The following DNAJA1 variants were observed in gnomAD, a reference collection of about 807,000 sequenced individuals.
DNAJA1 encodes DnaJ heat shock protein family (Hsp40) member A1, also known as dnaJ homolog subfamily A member 1.
DNAJA1 carries 26 observed loss-of-function variants against 47.6 expected under a neutral mutation model. The observed-to-expected ratio is 0.55, with a 90% confidence interval of 0.40 to 0.76. DNAJA1 has a LOEUF of 0.76. Among genes scored for constraint, DNAJA1 ranks in the 30% least tolerant of loss-of-function variants. DNAJA1 has a pLI of 0.00. For missense variants in DNAJA1, 315 were observed against 485.0 expected, an observed-to-expected ratio of 0.65 and a Z score of 3.29; for synonymous variants, 165 against 158.4, an observed-to-expected ratio of 1.04 and a Z score of -0.31.
rs1240475587 is a variant in DNAJA1, at chr9:33,039,447, G to A, written c.*544G>A. On this transcript the variant is annotated 3_prime_UTR_variant, in exon 9 of 9. Transcript: ENST00000330899. The stretch of plus-strand genomic sequence containing the variant: ...ATCCTGTGGTATCAGTGATAAAAAT[G>A]ATACCTTTCTGTAGGAGGGGTTTAT... 11 of 151,664 alleles carry A rather than the reference G, an allele frequency of 7.3e-5. No homozygotes were observed. The highest frequency in any genetic ancestry group is 2.2e-4 in the African/African-American group (9 of 41,382). The allele number at this position is 151,664 out of a possible 1,614,324, so 9.4% of individuals were successfully genotyped here. A position where few individuals can be genotyped will look rare whatever the true frequency, so the allele number is the denominator to read the frequency against.
At chr9:33,028,018 CTT>C (rs1209545662) in intron 3 of DNAJA1, among the ~76,000 whole-genome samples, 8 of 103,418 alleles carry the variant, frequency 7.7e-5, no homozygotes, top group East Asian at 5.7e-4. Context: ...CAGCGAGACT[CTT>C]GTCTCAAAAA....
At chr9:33,038,555 C>T (rs1587701715) in intron 8 of DNAJA1, 130 bp from the exon 9 acceptor site, 2 of 795,906 alleles carry the variant, frequency 2.5e-6, no homozygotes, top group African/African-American at 1.7e-5. Context: ...AGAGCCTGTT[C>T]TAACCTGAGA....
At chr9:33,025,681 T>G (rs915116733) in intron 1 of DNAJA1, among the ~76,000 whole-genome samples, 8 of 146,512 alleles carry the variant, frequency 5.5e-5, no homozygotes, top group Non-Finnish European at 1.2e-4. Context: ...CCCCTCCCCG[T>G]CCGTGCTCGC....
At chr9:33,027,530 G>A (rs1478326132) in intron 3 of DNAJA1, among the ~76,000 whole-genome samples, 3 of 151,970 alleles carry the variant, frequency 2.0e-5, no homozygotes, top group African/African-American at 7.2e-5. Context: ...GCAAATGACT[G>A]CTTCCAAAAA....
intron 1 of DNAJA1, among the ~76,000 whole-genome samples, chr9:33,025,707 G>A (rs1162502766): frequency 6.6e-6 from 1 of 152,154 alleles, no homozygotes. Flanking sequence ...GTGGGGGGGG[G>A]GAGTGGGGTT....
chr9:33,030,050 A>T, intron 4 of DNAJA1, 61 bp downstream of exon 4: 2 of 1,459,336 alleles, frequency 1.4e-6, no homozygotes. Flanking sequence ...TGACACCTGA[A>T]AATGGAGCTA....
rs1839090155 is a variant in DNAJA1 at position 33,039,573 on chromosome 9, T to G, written c.*670T>G. The G allele has an allele frequency of 8.2e-6, 1 of 121,394 alleles. No individual in the cohort carries two copies. Among genetic ancestry groups the G allele is most frequent in the Non-Finnish European group, 1.9e-5 (1 of 52,592 alleles). The allele number at this position is 121,394 out of a possible 1,614,324, so 7.5% of individuals were successfully genotyped here. On this transcript the variant is annotated 3_prime_UTR_variant, in exon 9 of 9. Transcript: ENST00000330899. Reference sequence around the variant, plus strand: ...CATATATATATATAATCTTGACCAGTCCTGGTCATTTGCTCCCCTCCTTGT... The same window carrying G: ...CATATATATATATAATCTTGACCAGGCCTGGTCATTTGCTCCCCTCCTTGT...
intron 8 of DNAJA1, among the ~76,000 whole-genome samples, chr9:33,037,844 T>G (rs918142706): frequency 1.3e-5 from 2 of 152,150 alleles, no homozygotes; most frequent in African/African-American, 2.4e-5. Flanking sequence ...AATGAAAGGT[T>G]GTAACTGGCA....
intron 5 of DNAJA1, among the ~76,000 whole-genome samples, chr9:33,033,750 G>A (rs935885376): frequency 2.6e-5 from 4 of 152,064 alleles, no homozygotes; most frequent in Admixed American, 1.3e-4. Flanking sequence ...CAATAGAAGG[G>A]TCTTGATTTA....
Position 33,029,993 on chromosome 9 carries a change from C to T in DNAJA1, c.415+4C>T, listed in dbSNP as rs375525655. The T allele has an allele frequency of 4.0e-5, 65 of 1,608,822 alleles. No individual in the cohort carries two copies. The highest frequency in any genetic ancestry group is 7.8e-5 in the South Asian group (7 of 89,840). ...GTGATTTGTGACAAATGTGAAGGTA[C>T]GGTGTTTTTTTGTTTTGTTTTGTTT... On this transcript the variant is annotated splice_donor_region_variant and intron_variant, in intron 4 of 8. Coordinates refer to ENST00000330899, the MANE Select transcript of DNAJA1 (RefSeq NM_001539.4).
chr9:33,033,598 G>C (rs1362167873), intron 5 of DNAJA1, among the ~76,000 whole-genome samples: 1 of 152,098 alleles, frequency 6.6e-6, no homozygotes, highest in African/African-American at 2.4e-5. Context: ...GCTGAGGTGG[G>C]AGGATCACTT....
chr9:33,026,501 C>T lies in DNAJA1; in HGVS notation c.17C>T (p.Thr6Ile). The change falls in exon 2 of 9, where the codon ACT becomes ATT. Residue 6 changes from threonine (T) to isoleucine (I), a missense_variant. Transcript: ENST00000330899. ...CAGTAGAAGATGGTGAAAGAAACAA[C>T]TTACTACGATGTTTTGGGGGTCAAA... MVKET[T>I]YYDVLGVKPN... 2 of 1,606,980 alleles carry T rather than the reference C, an allele frequency of 1.2e-6. No homozygotes were observed. Among genetic ancestry groups the T allele is most frequent in the South Asian group, 2.2e-5 (2 of 89,098 alleles).
chr9:33,036,534 G>A (rs1839036894), intron 6 of DNAJA1, 40 bp from the exon 7 acceptor site: 3 of 1,402,730 alleles, frequency 2.1e-6, no homozygotes, highest in East Asian at 2.4e-5. Flanking sequence ...CTACTGATTC[G>A]TGATTTGAAA....
intron 8 of DNAJA1, 84 bp downstream of exon 8, chr9:33,037,199 A>G: frequency 8.4e-7 from 1 of 1,190,636 alleles, no homozygotes; most frequent in Non-Finnish European, 1.2e-6. Flanking sequence ...AGCCAGGTGC[A>G]AGTAGCTCAT....
At chr9:33,026,640 G>C (rs2274769) in intron 2 of DNAJA1, 24 bp downstream of exon 2, 3 of 1,589,882 alleles carry the variant, frequency 1.9e-6, no homozygotes, top group Non-Finnish European at 2.6e-6. Context: ...ACTCTTAAAC[G>C]TATCTGAATA....
chr9:33,032,754 T>G (rs1430732451), intron 5 of DNAJA1, among the ~76,000 whole-genome samples: 1 of 152,228 alleles, frequency 6.6e-6, no homozygotes, highest in Non-Finnish European at 1.5e-5. Context: ...ATGATACTGA[T>G]AGCGCTTTAA....
chr9:33,030,132 T>C (rs370781849), intron 4 of DNAJA1, 143 bp downstream of exon 4: 9 of 793,448 alleles, frequency 1.1e-5, no homozygotes, highest in East Asian at 1.1e-4. Context: ...AGGGCAGATA[T>C]GAAGAAAACC....
At chr9:33,038,552 G>T (rs1839069098) in intron 8 of DNAJA1, 133 bp from the exon 9 acceptor site, 1 of 776,328 alleles carries the variant, frequency 1.3e-6, no homozygotes, top group African/African-American at 1.7e-5. Flanking sequence ...TTTAGAGCCT[G>T]TTCTAACCTG....
At chr9:33,030,259 G>A (rs971900761) in intron 4 of DNAJA1, among the ~76,000 whole-genome samples, 181 bp from the exon 5 acceptor site, 22 of 152,168 alleles carry the variant, frequency 1.4e-4, no homozygotes, top group Admixed American at 6.5e-5. Flanking sequence ...TTATTGGAAA[G>A]TGTGTTCTAA....
Sources: gnomAD v4.1 joint callset for allele counts (sites outside exome capture counted in the v4.1 genomes callset) on GRCh38, gnomAD v4.1.1 for gene constraint, MANE v1.5 for transcripts, NCBI Gene and HGNC (gene_info 2026-07-23, HGNC 2026-07-21) for gene names.